The following SYN3 variants were observed in gnomAD, a reference collection of about 807,000 sequenced individuals.
SYN3 encodes synapsin III.
SYN3 carries 35 observed loss-of-function variants against 65.8 expected under a neutral mutation model. The observed-to-expected ratio is 0.53, with a 90% CI of 0.41 to 0.70. SYN3 has a LOEUF of 0.70. Ranked by LOEUF, SYN3 falls within the 30% of genes least tolerant of loss-of-function variation. SYN3 has a pLI of 0.00. For synonymous variants in SYN3, 270 were observed against 292.9 expected (o/e 0.92, Z 0.80); for missense variants, 680 against 749.0 (o/e 0.91, Z 1.08).
intron 4 of SYN3, among the ~76,000 whole-genome samples, chr22:32,871,365 A>G (rs2048844802): frequency 6.6e-6 from 1 of 152,222 alleles, no homozygotes; most frequent in Admixed American, 6.5e-5. Context: ...ACTCACCTCT[A>G]AATCAGAACC....
At chr22:32,692,153 G>GA (rs2060670829) in intron 6 of SYN3, among the ~76,000 whole-genome samples, 2 of 4,852 alleles carry the variant, frequency 4.1e-4, no homozygotes, top group Middle Eastern at 0.083. Flanking sequence ...AAGACAAAAA[G>GA]ACAAAAAAAA....
Position 32,518,064 on chromosome 22 carries a change from G to A in SYN3, c.1589C>T (p.Ala530Val). ...TTACTTGAGATGCGGATGGGGTGGT[G>A]CTGGCTTCTTGGACTCTTCACCCTG... The part of the protein sequence containing the change: ...SQQGEESKKP[A>V]PPHPHLNKSQ... Residue 530 changes from alanine (A) to valine (V), a missense_variant, in exon 13 of 14, where the codon GCA (alanine) becomes GTA (valine). Ala to Val is a moderately conservative substitution (Grantham distance 64). Transcript: ENST00000358763. 6.5e-7 allele frequency: 1 copy of A among 1,529,646 alleles called. No individual in the cohort carries two copies. Among genetic ancestry groups the A allele is most frequent in the African/African-American group, 1.4e-5 (1 of 72,208 alleles). The allele number at this position is 1,529,646 out of a possible 1,614,324, so 94.8% of individuals were successfully genotyped here. A position where few individuals can be genotyped will look rare whatever the true frequency, so the allele number is the denominator to read the frequency against.
At chr22:32,647,410 T>A (rs778322346) in intron 6 of SYN3, among the ~76,000 whole-genome samples, 8 of 152,148 alleles carry the variant, frequency 5.3e-5, no homozygotes, top group Admixed American at 2.6e-4. Context: ...GAAAGTTATT[T>A]CCTTTTCAGT....
At chr22:32,687,164 T>TTA (rs1465118240) in intron 6 of SYN3, among the ~76,000 whole-genome samples, 1 of 143,266 alleles carries the variant, frequency 7.0e-6, no homozygotes, top group East Asian at 2.1e-4. Flanking sequence ...ATTTATTTAT[T>TTA]TTTATTTTTA....
chr22:32,982,618 G>A (rs2052404056), intron 2 of SYN3, among the ~76,000 whole-genome samples: 1 of 152,088 alleles, frequency 6.6e-6, no homozygotes, highest in South Asian at 2.1e-4. Context: ...TGTGTTTAAT[G>A]TCTGTGTACC....
At chr22:32,951,185 TC>T (rs2051278538) in intron 3 of SYN3, among the ~76,000 whole-genome samples, 1 of 151,976 alleles carries the variant, frequency 6.6e-6, no homozygotes, top group Non-Finnish European at 1.5e-5. Context: ...CTCTGATGCC[TC>T]CCCCCATCCC....
chr22:32,858,015 A>G, intron 6 of SYN3: 1 of 1,614,138 alleles, frequency 6.2e-7, no homozygotes, highest in Non-Finnish European at 8.5e-7. Context: ...TTCCTCCTGT[A>G]GGTCGCGTCT....
intron 5 of SYN3, among the ~76,000 whole-genome samples, chr22:32,867,506 A>G (rs1282548837): frequency 2.0e-5 from 3 of 152,252 alleles, no homozygotes; most frequent in Non-Finnish European, 4.4e-5. Context: ...GGATAAATTT[A>G]TCATTCTAGG....
chr22:32,626,096 G>A (rs73881769), intron 6 of SYN3, among the ~76,000 whole-genome samples: 15,008 of 152,146 alleles, frequency 0.099, 1,794 homozygotes, highest in African/African-American at 0.29. Flanking sequence ...AAATGGTTGG[G>A]GGTAGAGGGA....
chr22:32,683,802 T>C (rs918313057), intron 6 of SYN3, among the ~76,000 whole-genome samples: 4 of 152,240 alleles, frequency 2.6e-5, no homozygotes, highest in Non-Finnish European at 5.9e-5. Flanking sequence ...ACCTTTTTTA[T>C]GTGTGTTGGG....
At chr22:32,609,491 T>G (rs1160155186) in intron 6 of SYN3, among the ~76,000 whole-genome samples, 1 of 151,336 alleles carries the variant, frequency 6.6e-6, no homozygotes, top group Non-Finnish European at 1.5e-5. Flanking sequence ...TTTTTTTTTT[T>G]TAAGAGACAG....
intron 3 of SYN3, among the ~76,000 whole-genome samples, chr22:32,970,486 A>G (rs2146935619): frequency 1.3e-5 from 2 of 151,742 alleles, no homozygotes; most frequent in South Asian, 4.2e-4. Context: ...TATTTGGAAA[A>G]AAAAAAAAAA....
intron 12 of SYN3, among the ~76,000 whole-genome samples, chr22:32,520,254 C>T (rs1048443488): frequency 6.6e-6 from 1 of 152,010 alleles, no homozygotes; most frequent in African/African-American, 2.4e-5. Flanking sequence ...CCTCCTGCCT[C>T]AGTCTCTAGA....
chr22:32,911,227 C>T lies in SYN3; in HGVS notation c.461+20163G>A, dbSNP rs553493955. Among the ~76,000 whole-genome samples, 3 of 152,194 alleles carry T rather than the reference C, an allele frequency of 2.0e-5. No homozygotes were observed. In the South Asian group the frequency reaches 6.2e-4, roughly 32 times the overall value. ...AAAGGAGGTATTTGGTTAACAGAGC[C>T]CAGGGATATCCAATGTTCTTTCCTG... On this transcript the variant is annotated intron_variant, in intron 4 of 13. Coordinates refer to ENST00000358763, the MANE Select transcript of SYN3 (RefSeq NM_003490.4).
chr22:32,568,137 G>A (rs1431202880), intron 7 of SYN3, among the ~76,000 whole-genome samples: 1 of 152,206 alleles, frequency 6.6e-6, no homozygotes, highest in Admixed American at 6.5e-5. Flanking sequence ...CTGCTGTGGA[G>A]AGCTGTGCCT....
intron 1 of SYN3, among the ~76,000 whole-genome samples, chr22:33,028,767 ACG>A (rs2053693520): frequency 6.6e-6 from 1 of 151,776 alleles, no homozygotes; most frequent in Non-Finnish European, 1.5e-5. Context: ...TGTGGCCAGC[ACG>A]GTGGCTCACG....
chr22:33,025,387 G>T (rs2053624386), intron 1 of SYN3, among the ~76,000 whole-genome samples: 1 of 150,048 alleles, frequency 6.7e-6, no homozygotes, highest in Non-Finnish European at 1.5e-5. Flanking sequence ...CCAGGAGGTG[G>T]AGGTTGCGCC....
chr22:32,791,757 G>A (rs2046328107), intron 6 of SYN3, among the ~76,000 whole-genome samples: 1 of 151,884 alleles, frequency 6.6e-6, no homozygotes, highest in Admixed American at 6.6e-5. Flanking sequence ...TGGCAACGAT[G>A]ATCTCATCTA....
At chr22:32,722,378 A>T (rs956532343) in intron 6 of SYN3, among the ~76,000 whole-genome samples, 1 of 152,212 alleles carries the variant, frequency 6.6e-6, no homozygotes, top group Non-Finnish European at 1.5e-5. Context: ...GATCGAATCA[A>T]AGAGTCCACA....
Sources: allele counts gnomAD v4.1 joint callset (sites outside exome capture counted in the v4.1 genomes callset), GRCh38; gene constraint gnomAD v4.1.1; transcripts MANE v1.5; gene names NCBI Gene and HGNC (gene_info 2026-07-23, HGNC 2026-07-21).